The following AFF3 variants were observed in gnomAD, a reference collection of about 807,000 sequenced individuals.
AFF3 encodes AF4/FMR2 family member 3.
A neutral mutation model predicts 129.7 loss-of-function variants in AFF3; 32 were observed. The observed-to-expected ratio is 0.25, with a 90% CI of 0.19 to 0.33. The LOEUF (loss-of-function observed/expected upper bound fraction) is 0.33, where lower values mean the gene tolerates loss of function less well. AFF3 is among the 10% of genes least tolerant of loss of function. The pLI is 1.00. For missense variants in AFF3, 1,373 were observed against 1,592.0 expected (o/e 0.86, Z 2.34); for synonymous variants, 644 against 635.4 (o/e 1.01, Z -0.20).
chr2:99,804,684 A>C (rs1686207890), intron 8 of AFF3, among the ~76,000 whole-genome samples: 1 of 152,218 alleles, frequency 6.6e-6, no homozygotes, highest in Non-Finnish European at 1.5e-5. Context: ...GAACCAATCT[A>C]AGTGCTCATC....
intron 4 of AFF3, among the ~76,000 whole-genome samples, chr2:100,072,176 C>T (rs572234298): frequency 3.3e-5 from 5 of 152,240 alleles, no homozygotes; most frequent in Middle Eastern, 6.8e-3. Context: ...GGAACTGGGC[C>T]GCACAGCAGG....
At chr2:100,122,985 A>C (rs901359171) in intron 2 of AFF3, among the ~76,000 whole-genome samples, 1 of 152,238 alleles carries the variant, frequency 6.6e-6, no homozygotes, top group Admixed American at 6.5e-5. Flanking sequence ...TGATCAATAA[A>C]TGCTTATTTT....
At chr2:99,967,035 C>T (rs1331203158) in intron 7 of AFF3, among the ~76,000 whole-genome samples, 1 of 152,154 alleles carries the variant, frequency 6.6e-6, no homozygotes, top group African/African-American at 2.4e-5. Flanking sequence ...GTCAAAACAT[C>T]CTATGTCCTG....
intron 8 of AFF3, among the ~76,000 whole-genome samples, chr2:99,798,577 G>A (rs909231672): frequency 6.6e-6 from 1 of 151,698 alleles, no homozygotes; most frequent in Non-Finnish European, 1.5e-5. Flanking sequence ...TATACTGTAA[G>A]TATAAGAAAA....
At chr2:100,112,702 AAAAG>A (rs1419664268) in intron 2 of AFF3, among the ~76,000 whole-genome samples, 1 of 152,062 alleles carries the variant, frequency 6.6e-6, no homozygotes, top group Non-Finnish European at 1.5e-5. Context: ...ATGGAAGAAA[AAAAG>A]AAAGAAGCTG....
chr2:99,838,809 T>G (rs910414014), intron 7 of AFF3, among the ~76,000 whole-genome samples: 1 of 152,198 alleles, frequency 6.6e-6, no homozygotes, highest in Non-Finnish European at 1.5e-5. Flanking sequence ...GAATCAGCAC[T>G]AGGACTTTAA....
intron 7 of AFF3, among the ~76,000 whole-genome samples, chr2:99,965,374 T>C (rs1455928495): frequency 6.6e-6 from 1 of 152,218 alleles, no homozygotes; most frequent in African/African-American, 2.4e-5. Context: ...GTAAGGCATC[T>C]GCACCATGGA....
At chr2:99,809,250 G>C (rs182714601) in intron 8 of AFF3, among the ~76,000 whole-genome samples, 4 of 152,346 alleles carry the variant, frequency 2.6e-5, no homozygotes, top group African/African-American at 7.2e-5. Context: ...GAAAAGGAAA[G>C]TGACAGCAGA....
At chr2:99,809,852 G>A (rs900805022) in intron 8 of AFF3, among the ~76,000 whole-genome samples, 1 of 152,172 alleles carries the variant, frequency 6.6e-6, no homozygotes, top group African/African-American at 2.4e-5. Flanking sequence ...AGGGCCAGGT[G>A]TTATATTTTT....
chr2:100,070,218 A>T (rs906473571), intron 4 of AFF3, among the ~76,000 whole-genome samples: 68 of 152,344 alleles, frequency 4.5e-4, no homozygotes, highest in Admixed American at 1.3e-3. Context: ...TTATAAAAAA[A>T]AAAACTGTAA....
chr2:99,965,088 T>C (rs1340515131), intron 7 of AFF3, among the ~76,000 whole-genome samples: 1 of 152,222 alleles, frequency 6.6e-6, no homozygotes, highest in South Asian at 2.1e-4. Context: ...TTTGAGATTG[T>C]TGTCTGAGAT....
At chr2:99,739,330 C>T (rs1445442389) in intron 10 of AFF3, among the ~76,000 whole-genome samples, 2 of 152,050 alleles carry the variant, frequency 1.3e-5, no homozygotes, top group African/African-American at 2.4e-5. Flanking sequence ...TTATTACTTT[C>T]GGCTTTCCAG....
intron 7 of AFF3, among the ~76,000 whole-genome samples, chr2:99,967,056 T>C (rs1189218075): frequency 6.6e-6 from 1 of 152,198 alleles, no homozygotes; most frequent in Non-Finnish European, 1.5e-5. Flanking sequence ...ATGACATCAC[T>C]GTGTTTCTTG....
chr2:99,589,397 A>ATTTTTTTTTTTTTTTTTTTTTTTTTTTT (rs55888825), intron 15 of AFF3, among the ~76,000 whole-genome samples: 1 of 103,384 alleles, frequency 9.7e-6, no homozygotes, highest in Non-Finnish European at 1.9e-5. Flanking sequence ...AGATGTCAAC[A>ATTTTTTTTTTTTTTTTTTTTTTTTTTTT]TTTTTTTTTT....
intron 4 of AFF3, among the ~76,000 whole-genome samples, chr2:100,078,054 T>A (rs1688728630): frequency 6.6e-6 from 1 of 152,194 alleles, no homozygotes; most frequent in Non-Finnish European, 1.5e-5. Context: ...AAATTTTCCT[T>A]TAAAATGAAT....
intron 8 of AFF3, among the ~76,000 whole-genome samples, chr2:99,788,780 C>T (rs555156222): frequency 6.6e-6 from 1 of 152,304 alleles, no homozygotes; most frequent in African/African-American, 2.4e-5. Flanking sequence ...AGAGCAACTT[C>T]CAGTCCTGTA....
chr2:99,896,373 T>C (rs994776957), intron 7 of AFF3, among the ~76,000 whole-genome samples: 2 of 151,888 alleles, frequency 1.3e-5, no homozygotes, highest in Non-Finnish European at 2.9e-5. Context: ...ATTCCAGAAA[T>C]ATAGAAAGCC....
chr2:99,594,132 A>G lies in AFF3; in HGVS notation c.1529T>C (p.Val510Ala), dbSNP rs757984907. Residue 510 changes from valine to alanine, a missense_variant, in exon 15 of 25, where the codon GTC becomes GCC. This residue lies in a region of AFF3 where 413 missense variants were observed against 424.4 expected (regional missense o/e 0.97). Coordinates refer to ENST00000672756, the MANE Select transcript of AFF3 (RefSeq NM_001386135.1). ...VKEDVQDCGK[V>A]PDVCQPSLRE... ...CAGGCTGGGCTGGCAAACGTCGGGG[A>G]CTTTCCCACAGTCCTGGACGTCCTC... is the stretch of plus-strand genomic sequence containing the variant. 4 of 1,613,656 alleles carry G rather than the reference A, an allele frequency of 2.5e-6. No homozygotes were observed. The highest frequency in any genetic ancestry group is 3.4e-6 in the Non-Finnish European group (4 of 1,179,902).
chr2:99,695,657 C>T (rs1451237544), intron 11 of AFF3, among the ~76,000 whole-genome samples: 2 of 152,134 alleles, frequency 1.3e-5, no homozygotes, highest in Non-Finnish European at 2.9e-5. Context: ...TATAAATGAA[C>T]ATGTTCAGTT....
Sources: allele counts gnomAD v4.1 joint callset (sites outside exome capture counted in the v4.1 genomes callset), GRCh38; gene constraint gnomAD v4.1.1; regional missense constraint gnomAD v4.1.1; transcripts MANE v1.5; gene names NCBI Gene and HGNC (gene_info 2026-07-23, HGNC 2026-07-21).